ATR: variants seen among roughly 807,000 people sequenced by gnomAD.
The protein encoded by ATR is serine/threonine-protein kinase ATR.
Under a neutral mutation model 305.3 loss-of-function variants are expected in ATR, and 142 were observed. The observed-to-expected ratio is 0.47, with a 90% CI of 0.41 to 0.53. The LOEUF (loss-of-function observed/expected upper bound fraction) is 0.53. Among genes scored for constraint, ATR ranks in the 20% least tolerant of loss-of-function variants. The probability of loss-of-function intolerance (pLI) is 0.00; values close to 1 mark genes in which losing one functional copy is unlikely to be tolerated. For missense variants in ATR, 2,135 were observed against 3,133.1 expected, an observed-to-expected ratio of 0.68 and a Z score of 7.60; for synonymous variants, 1,050 against 1,068.1, an observed-to-expected ratio of 0.98 and a Z score of 0.33.
intron 12 of ATR, 107 bp downstream of exon 12, chr3:142,553,533 T>C (rs1035956193): frequency 4.6e-5 from 67 of 1,447,378 alleles, no homozygotes; most frequent in Non-Finnish European, 5.9e-5. Context: ...GACTCACATT[T>C]TGTCTATAAT....
intron 1 of ATR, among the ~76,000 whole-genome samples, chr3:142,570,843 C>G (rs1047360877): frequency 2.0e-5 from 3 of 152,142 alleles, no homozygotes; most frequent in Non-Finnish European, 4.4e-5. Context: ...CTGAGAATAG[C>G]GGGTTCTTTC....
intron 21 of ATR, among the ~76,000 whole-genome samples, chr3:142,525,113 G>A (rs1379514835): frequency 2.0e-5 from 3 of 151,972 alleles, no homozygotes; most frequent in Admixed American, 1.3e-4. Flanking sequence ...TGTAAAGACC[G>A]CCTCCCCACC....
chr3:142,453,495 AGT>A (rs2070836741), intron 45 of ATR, among the ~76,000 whole-genome samples: 1 of 152,184 alleles, frequency 6.6e-6, no homozygotes, highest in Non-Finnish European at 1.5e-5. Context: ...GCCATCTCTA[AGT>A]GTATACTGTG....
At chr3:142,473,468 CTAA>C (rs1215057492) in intron 36 of ATR, among the ~76,000 whole-genome samples, 1 of 151,828 alleles carries the variant, frequency 6.6e-6, no homozygotes, top group Non-Finnish European at 1.5e-5. Flanking sequence ...CATTTTAATA[CTAA>C]TGTCATACTG....
At chr3:142,483,515 G>T (rs2108307052) in intron 36 of ATR, among the ~76,000 whole-genome samples, 1 of 152,170 alleles carries the variant, frequency 6.6e-6, no homozygotes, top group East Asian at 1.9e-4. Context: ...ATTGGAATGG[G>T]CTAGAAGGAA....
At chr3:142,475,676 G>T (rs899174068) in intron 36 of ATR, among the ~76,000 whole-genome samples, 1 of 152,210 alleles carries the variant, frequency 6.6e-6, no homozygotes, top group African/African-American at 2.4e-5. Context: ...CCGCCACAAT[G>T]ACTTCCACAA....
intron 2 of ATR, among the ~76,000 whole-genome samples, 186 bp downstream of exon 2, chr3:142,567,875 TAA>T (rs2035126022): frequency 1.3e-5 from 2 of 152,204 alleles, no homozygotes; most frequent in Non-Finnish European, 2.9e-5. Context: ...AGAATTATTT[TAA>T]AAGCCTAATT....
Position 142,559,481 on chromosome 3 carries a change from A to G in ATR, c.1542-40T>C, listed in dbSNP as rs191405770. ...TTTTGTTAAAAACATTGGAATTAAG[A>G]TGAATTTTGTTATAGTCAAACATAA... is the stretch of plus-strand genomic sequence containing the variant. On this transcript the variant is annotated intron_variant, in intron 6 of 46. Transcript: ENST00000350721. 172 of 1,588,546 alleles carry G rather than the reference A, an allele frequency of 1.1e-4. 1 individual carries two copies. The East Asian group carries it at 3.3e-3, about 31-fold the overall frequency.
rs751198306 is a variant in ATR at position 142,493,310 on chromosome 3, C to T, written c.5900G>A (p.Gly1967Asp). The T allele has an allele frequency of 2.5e-6, 4 of 1,609,618 alleles. No individual in the cohort carries two copies. In the Admixed American group the frequency reaches 5.1e-5, roughly 20 times the overall value. The change falls in exon 35 of 47, where the codon GGT (glycine) becomes GAT (aspartate). Residue 1967 changes from glycine (G) to aspartate (D), a missense_variant and splice_region_variant. Gly to Asp is a moderately conservative substitution (Grantham distance 94). This residue lies in a region of ATR where 462 missense variants were observed against 887.6 expected (regional missense o/e 0.52). Coordinates refer to ENST00000350721, the MANE Select transcript of ATR (RefSeq NM_001184.4). Reference sequence around the variant, plus strand: ...AACAATTAGTGCCTGGTGAACATCACCCTAAAAGAAAAAAGGCAACAATAA... The same window carrying T: ...AACAATTAGTGCCTGGTGAACATCATCCTAAAAGAAAAAAGGCAACAATAA... ...VERAKWLWSK[G>D]DVHQALIVLQ...
Position 142,535,072 on chromosome 3 carries a change from T to C in ATR, c.3945+8A>G. 2 of 1,609,232 alleles carry C rather than the reference T, an allele frequency of 1.2e-6. No homozygotes were observed. Among genetic ancestry groups the C allele is most frequent in the Non-Finnish European group, 1.7e-6 (2 of 1,176,288 alleles). The stretch of plus-strand genomic sequence containing the variant: ...TTATACATTTTTAATTATATCATAT[T>C]AGCATACCTGATTTTTATACAAGGT... On this transcript the variant is annotated splice_region_variant and intron_variant, in intron 21 of 46. Transcript: ENST00000350721.
chr3:142,560,270 T>A lies in ATR; in HGVS notation c.1534A>T (p.Met512Leu), dbSNP rs779645543. ...LCTVHCSHQN[M>L]NCRTFKDCQH... ...ACAAGAAGTTTGTTTTACCAGTTCA[T>A]GTTTTGATGAGAACAATGAACAGTA... Residue 512 changes from methionine to leucine, a missense_variant, in exon 6 of 47, where the codon ATG (methionine) becomes TTG (leucine). Coordinates refer to ENST00000350721, the MANE Select transcript of ATR (RefSeq NM_001184.4). The A allele has an allele frequency of 1.1e-5, 17 of 1,613,638 alleles. No homozygotes were observed. The highest frequency in any genetic ancestry group is 1.6e-4 in the Middle Eastern group (1 of 6,076).
At chr3:142,541,093 G>A in intron 17 of ATR, 59 bp from the exon 18 acceptor site, 3 of 1,585,958 alleles carry the variant, frequency 1.9e-6, no homozygotes, top group Admixed American at 1.7e-5. Flanking sequence ...AGAAGCAGAT[G>A]AGCCCTAAGG....
chr3:142,568,206 G>C (rs773520548), intron 1 of ATR, 52 bp from the exon 2 acceptor site: 7 of 1,463,598 alleles, frequency 4.8e-6, no homozygotes, highest in Non-Finnish European at 6.7e-6. Flanking sequence ...AGTTTCATTT[G>C]CAAAAAAAAT....
chr3:142,499,510 G>A (rs1473530258), intron 31 of ATR, 117 bp downstream of exon 31: 3 of 855,850 alleles, frequency 3.5e-6, no homozygotes, highest in Non-Finnish European at 5.9e-6. Flanking sequence ...TAGCCAGGAT[G>A]GTCTCGATCT....
chr3:142,469,541 C>A lies in ATR; in HGVS notation c.6348G>T (p.Arg2116Ser). The A allele has an allele frequency of 6.2e-7, 1 of 1,613,676 alleles. No homozygotes were observed. The highest frequency in any genetic ancestry group is 8.5e-7 in the Non-Finnish European group (1 of 1,179,752). The change falls in exon 38 of 47, where the codon AGG becomes AGT. Residue 2116 changes from arginine to serine, a missense_variant. By Grantham distance (110) the Arg-to-Ser change is moderately radical. Around this residue, in one of 9 missense-constraint regions of ATR, gnomAD observed 462 missense variants for 887.6 expected, o/e 0.52. Coordinates refer to ENST00000350721, the MANE Select transcript of ATR (RefSeq NM_001184.4). ...KAGRSDRVQM[R>S]NDLGKINKVI... ...CCTTGTTTATTTTACCCAAATCATT[C>A]CTCATTTGTACACGATCGGAGCGGC...
intron 35 of ATR, among the ~76,000 whole-genome samples, chr3:142,486,775 T>C (rs1019229388): frequency 6.6e-6 from 1 of 151,594 alleles, no homozygotes; most frequent in African/African-American, 2.4e-5. Flanking sequence ...TCCAGGAGTT[T>C]TTTGTCTGTT....
intron 25 of ATR, among the ~76,000 whole-genome samples, chr3:142,514,207 A>C (rs2032742810): frequency 6.6e-6 from 1 of 151,986 alleles, no homozygotes; most frequent in Admixed American, 6.6e-5. Flanking sequence ...CGGGAGGCGG[A>C]GGTTGCAGTG....
rs2031735063 is a variant in ATR at position 142,497,824 on chromosome 3, T to C, written c.5559-632A>G. On this transcript the variant is annotated intron_variant, in intron 32 of 46. Transcript: ENST00000350721. The stretch of plus-strand genomic sequence containing the variant: ...CTATAAGAGGGCCTGGCATAGCAGA[T>C]GATAGTAAAAAATTATGAAATTAAT... Among the ~76,000 whole-genome samples, 4 of 152,274 alleles carry C rather than the reference T, an allele frequency of 2.6e-5. No individual in the cohort carries two copies. The South Asian group carries it at 8.3e-4, about 32-fold the overall frequency.
intron 22 of ATR, among the ~76,000 whole-genome samples, chr3:142,523,532 T>C (rs1253565034): frequency 6.6e-6 from 1 of 152,172 alleles, no homozygotes. Flanking sequence ...AGTATAACTC[T>C]TGGAGATATA....
Sources: allele counts gnomAD v4.1 joint callset (sites outside exome capture counted in the v4.1 genomes callset), GRCh38; gene constraint gnomAD v4.1.1; regional missense constraint gnomAD v4.1.1; transcripts MANE v1.5; gene names NCBI Gene and HGNC (gene_info 2026-07-23, HGNC 2026-07-21).